Variants in SP140 observed in about 807,000 individuals in gnomAD.
SP140 encodes nuclear body protein SP140.
A neutral mutation model predicts 125.0 loss-of-function variants in SP140; 81 were observed. That is an observed-to-expected ratio of 0.65 (90% CI 0.54 to 0.78). The LOEUF (loss-of-function observed/expected upper bound fraction) is 0.78, where lower values mean the gene tolerates loss of function less well. Among genes scored for constraint, SP140 ranks in the 30% least tolerant of loss-of-function variants. SP140 has a pLI of 0.00. For missense variants in SP140, 858 were observed against 1,037.0 expected (o/e 0.83, Z 2.37); for synonymous variants, 312 against 354.0 (o/e 0.88, Z 1.33).
At chr2:230,191,820 G>C in the SP140 span, among the ~76,000 whole-genome samples, 34,038 of 151,874 alleles carry the variant, frequency 0.22, 4,652 homozygotes, top group East Asian at 0.57. Context: ...ACTGGGAAGA[G>C]ACACAACAAA....
At chr2:230,232,369 A>G (rs1559214757) in intron 1 of SP140, among the ~76,000 whole-genome samples, 1 of 152,092 alleles carries the variant, frequency 6.6e-6, no homozygotes, top group Non-Finnish European at 1.5e-5. Flanking sequence ...AATTCTCTGG[A>G]TTTGCCTGTA....
At chr2:230,280,335 A>G (rs1005125828) in intron 15 of SP140, among the ~76,000 whole-genome samples, 3 of 152,120 alleles carry the variant, frequency 2.0e-5, no homozygotes, top group Non-Finnish European at 4.4e-5. Flanking sequence ...ACAAACTTTT[A>G]TGATTTTTTA....
At chr2:230,269,289 T>C (rs1311468732) in intron 12 of SP140, among the ~76,000 whole-genome samples, 1 of 152,224 alleles carries the variant, frequency 6.6e-6, no homozygotes, top group African/African-American at 2.4e-5. Context: ...AAGAGTTTCC[T>C]TGCTTTATTC....
chr2:230,225,906 G>T lies in SP140; in HGVS notation c.59+3G>T, dbSNP rs1394413731. On this transcript the variant is annotated splice_donor_region_variant and intron_variant, in intron 1 of 26. Coordinates refer to ENST00000392045, the MANE Select transcript of SP140 (RefSeq NM_007237.5). Reference sequence around the variant, plus strand: ...GGAGACAGCAATCTCAACTTCAGGTGGGTCATCGTCTCCTTTCCCGTCTGT... The same window carrying T: ...GGAGACAGCAATCTCAACTTCAGGTTGGTCATCGTCTCCTTTCCCGTCTGT... 6.2e-7 allele frequency: 1 copy of T among 1,612,956 alleles called. No individual in the cohort carries two copies. Among genetic ancestry groups the T allele is most frequent in the African/African-American group, 1.3e-5 (1 of 74,862 alleles).
At chr2:230,264,422 T>C (rs1359099567) in intron 12 of SP140, among the ~76,000 whole-genome samples, 1 of 152,206 alleles carries the variant, frequency 6.6e-6, no homozygotes, top group African/African-American at 2.4e-5. Context: ...TGCCTTTCTC[T>C]GGTCCCTCCC....
chr2:230,263,667 A>G (rs1253823499), intron 12 of SP140, among the ~76,000 whole-genome samples: 1 of 152,180 alleles, frequency 6.6e-6, no homozygotes, highest in East Asian at 1.9e-4. Context: ...GTGGCTTGGT[A>G]ATGGCGAATT....
chr2:230,239,949 G>A (rs962271446), intron 3 of SP140, among the ~76,000 whole-genome samples: 2 of 152,110 alleles, frequency 1.3e-5, no homozygotes, highest in African/African-American at 4.8e-5. Flanking sequence ...TGTGGACTGT[G>A]GGGATCCTCC....
chr2:230,190,128 C>T, the SP140 span, among the ~76,000 whole-genome samples: 9 of 152,202 alleles, frequency 5.9e-5, no homozygotes, highest in Non-Finnish European at 1.2e-4. Flanking sequence ...GGAATCACCA[C>T]ACTGTCTTCC....
At position 230,245,939 on chromosome 2, in the gene SP140, A is replaced by G; in HGVS notation, c.741A>G (p.Glu247=). 6.4e-7 allele frequency: 1 copy of G among 1,566,534 alleles called. No individual in the cohort carries two copies. The highest frequency in any genetic ancestry group is 8.8e-7 in the Non-Finnish European group (1 of 1,136,710). The change falls in exon 7 of 27, where the codon GAA becomes GAG. Residue 247 remains glutamate (E), a splice_region_variant and synonymous_variant. Coordinates refer to ENST00000392045, the MANE Select transcript of SP140 (RefSeq NM_007237.5). ...CCAAGTTACTGCCTTATGATACAGA[A>G]GGTAATTAGGATTTAAATTAAAGCT... ...EMPKLLPYDT[E]VLESNGMIDA...
At chr2:230,313,323 A>G (rs1226644332), downstream of SP140, 1 of 152,246 alleles carries the variant, frequency 6.6e-6, no homozygotes, top group African/African-American at 2.4e-5. Flanking sequence ...TCCTGGCACC[A>G]TCTCCTCTTC....
intron 1 of SP140, among the ~76,000 whole-genome samples, chr2:230,227,781 C>G (rs2046676810): frequency 6.6e-6 from 1 of 152,126 alleles, no homozygotes; most frequent in African/African-American, 2.4e-5. Flanking sequence ...TTCTTTCATT[C>G]TGATGATTTC....
intron 19 of SP140, among the ~76,000 whole-genome samples, 196 bp downstream of exon 19, chr2:230,290,760 A>G (rs1308277338): frequency 6.6e-6 from 1 of 152,226 alleles, no homozygotes; most frequent in African/African-American, 2.4e-5. Flanking sequence ...TGCACATGGA[A>G]TGTCCAGAGG....
intron 10 of SP140, among the ~76,000 whole-genome samples, chr2:230,252,967 T>C (rs1377936046): frequency 1.3e-5 from 2 of 151,834 alleles, no homozygotes; most frequent in African/African-American, 4.8e-5. Context: ...AAACACAGCA[T>C]GGAAATAGAG....
rs140785153 is a variant in SP140 at position 230,272,627 on chromosome 2, A to G, written c.1498+1988A>G. ...GGCTTCCCCAGCCACATGGAACTGT[A>G]AGTCCATTAAACTCTTTTTCCTGTA... On this transcript the variant is annotated intron_variant, in intron 15 of 26. Transcript: ENST00000392045. Among the ~76,000 whole-genome samples, 190 of 152,282 alleles carry G rather than the reference A, an allele frequency of 1.2e-3. 4 individuals carry two copies. The East Asian group carries it at 0.034, about 27-fold the overall frequency.
In SP140 at chr2:230,211,383, C is replaced by T. The variant is rs1259550777; in HGVS notation, c.-322-2271C>T. On this transcript the variant is annotated intron_variant, in intron 1 of 4. Transcript: ENST00000456542. The surrounding 1 kb of genome is among the most constrained non-coding windows in gnomAD (Gnocchi z 4.2). ...AGATTGCTGAGAGGCAGGAGGAGAG[C>T]CCCCTCTCTAGAAGATCCGAATGGC... is the stretch of plus-strand genomic sequence containing the variant. 1.2e-6 allele frequency: 1 copy of T among 862,716 alleles called. No individual in the cohort carries two copies. Among genetic ancestry groups the T allele is most frequent in the Non-Finnish European group, 2.0e-6 (1 of 499,566 alleles). The allele number at this position is 862,716 out of a possible 1,614,324, so 53.4% of individuals were successfully genotyped here.
chr2:230,297,180 T>C (rs1025587626), intron 21 of SP140, among the ~76,000 whole-genome samples: 1 of 152,216 alleles, frequency 6.6e-6, no homozygotes, highest in African/African-American at 2.4e-5. Flanking sequence ...AGAGGTTAGA[T>C]GGCAGATTCT....
Position 230,310,010 on chromosome 2 carries a change from C to A in SP140, c.2145C>A (p.Asp715Glu). The A allele has an allele frequency of 6.2e-7, 1 of 1,614,198 alleles. No homozygotes were observed. The highest frequency in any genetic ancestry group is 1.7e-5 in the Admixed American group (1 of 60,030). The change falls in exon 23 of 27, where the codon GAC becomes GAA. Residue 715 changes from aspartate (D) to glutamate (E), a missense_variant. By Grantham distance (45) the Asp-to-Glu change is conservative (BLOSUM62 2). Around this residue, in one of 4 missense-constraint regions of SP140, gnomAD observed 791 missense variants for 869.5 expected, o/e 0.91. Transcript: ENST00000392045. ...CDTCSRVFHE[D>E]CHIPPVEAER... ...CTTGTTCAAGAGTCTTCCATGAGGACTGTCACATCCCGCCTGTGGAAGCTG... is the reference window on the plus strand; with the variant it reads ...CTTGTTCAAGAGTCTTCCATGAGGAATGTCACATCCCGCCTGTGGAAGCTG...
intron 18 of SP140, among the ~76,000 whole-genome samples, chr2:230,290,193 C>T (rs766136855): frequency 2.6e-5 from 4 of 152,060 alleles, no homozygotes; most frequent in Non-Finnish European, 4.4e-5. Flanking sequence ...GTGGAGCTTA[C>T]GAGATTAGGA....
chr2:230,300,935 A>G (rs1392549866), intron 22 of SP140, among the ~76,000 whole-genome samples: 1 of 152,230 alleles, frequency 6.6e-6, no homozygotes, highest in Non-Finnish European at 1.5e-5. Flanking sequence ...GTCTCCAGAG[A>G]AATAGATATC....
Sources: gnomAD v4.1 joint callset for allele counts (sites outside exome capture counted in the v4.1 genomes callset) on GRCh38, gnomAD v4.1.1 for gene constraint, gnomAD v4.1.1 regional missense constraint, Gnocchi (gnomAD v3.1) non-coding constraint, MANE v1.5 for transcripts, NCBI Gene and HGNC (gene_info 2026-07-23, HGNC 2026-07-21) for gene names.